Variants in LAMA2 observed in about 807,000 individuals in gnomAD.
LAMA2 encodes the protein laminin subunit alpha 2.
In LAMA2, 269 loss-of-function variants were observed where a neutral mutation model predicts 364.8. The observed-to-expected ratio is 0.74, with a 90% confidence interval of 0.67 to 0.82. The LOEUF (loss-of-function observed/expected upper bound fraction) is 0.82, where lower values mean the gene tolerates loss of function less well. Among genes scored for constraint, LAMA2 ranks in the 40% least tolerant of loss-of-function variants. The pLI is 0.00. For synonymous variants in LAMA2, 1,379 were observed against 1,370.6 expected (o/e 1.01, Z -0.14); for missense variants, 3,807 against 3,873.2 (o/e 0.98, Z 0.45).
At chr6:129,412,699 G>T (rs1780595584) in intron 40 of LAMA2, among the ~76,000 whole-genome samples, 1 of 152,180 alleles carries the variant, frequency 6.6e-6, no homozygotes, top group South Asian at 2.1e-4. Flanking sequence ...TCAAGTTTAT[G>T]TCTCACATCA....
At chr6:129,060,845 C>CA (rs1302741561) in intron 3 of LAMA2, among the ~76,000 whole-genome samples, 1 of 152,146 alleles carries the variant, frequency 6.6e-6, no homozygotes, top group South Asian at 2.1e-4. Context: ...CTGGCTGGAG[C>CA]AAACAAGCTG....
At chr6:129,437,322 T>G (rs1165684686) in intron 41 of LAMA2, among the ~76,000 whole-genome samples, 2 of 152,130 alleles carry the variant, frequency 1.3e-5, no homozygotes, top group Non-Finnish European at 2.9e-5. Context: ...ATATACATCA[T>G]ACATCAATGT....
chr6:129,504,079 G>A (rs747017310), intron 60 of LAMA2, among the ~76,000 whole-genome samples: 12 of 152,188 alleles, frequency 7.9e-5, no homozygotes, highest in Non-Finnish European at 1.2e-4. Flanking sequence ...TTCAGAGTAC[G>A]ATATTATTAG....
intron 9 of LAMA2, among the ~76,000 whole-genome samples, chr6:129,170,023 T>A (rs1253020784): frequency 5.9e-5 from 9 of 151,738 alleles, no homozygotes; most frequent in African/African-American, 2.2e-4. Context: ...CTTTATCATT[T>A]TTTATTGCAT....
At chr6:129,364,099 A>G (rs1040043831) in intron 32 of LAMA2, among the ~76,000 whole-genome samples, 2 of 152,140 alleles carry the variant, frequency 1.3e-5, no homozygotes, top group Non-Finnish European at 2.9e-5. Flanking sequence ...GACGCTCTAC[A>G]GTTGTCACCT....
chr6:129,315,388 T>C, intron 24 of LAMA2, 88 bp from the exon 25 acceptor site: 1 of 1,144,960 alleles, frequency 8.7e-7, no homozygotes, highest in Non-Finnish European at 1.3e-6. Context: ...GTATAGGAAC[T>C]GCAGATAGAC....
intron 1 of LAMA2, among the ~76,000 whole-genome samples, chr6:128,932,761 C>T (rs1052403130): frequency 2.6e-5 from 4 of 152,112 alleles, no homozygotes; most frequent in African/African-American, 9.7e-5. Flanking sequence ...TATACATATA[C>T]ATTGTGAAAT....
intron 22 of LAMA2, among the ~76,000 whole-genome samples, chr6:129,303,762 T>C (rs1007589440): frequency 6.6e-6 from 1 of 152,210 alleles, no homozygotes; most frequent in African/African-American, 2.4e-5. Context: ...AGATTAATCC[T>C]GCTTGGCCAT....
At chr6:129,484,753 A>G (rs188212575) in intron 55 of LAMA2, among the ~76,000 whole-genome samples, 1 of 152,214 alleles carries the variant, frequency 6.6e-6, no homozygotes, top group Non-Finnish European at 1.5e-5. Flanking sequence ...ATATTTTTTA[A>G]AAGTAAGGTA....
intron 12 of LAMA2, among the ~76,000 whole-genome samples, chr6:129,249,843 A>G (rs1786044127): frequency 6.6e-6 from 1 of 152,170 alleles, no homozygotes; most frequent in Non-Finnish European, 1.5e-5. Flanking sequence ...GTTTGGCTTC[A>G]TGGAACTTAA....
intron 12 of LAMA2, among the ~76,000 whole-genome samples, chr6:129,197,378 A>G (rs1781913968): frequency 6.6e-6 from 1 of 151,672 alleles, no homozygotes; most frequent in Admixed American, 6.6e-5. Context: ...TCCACAACCC[A>G]CTCTCTTAAC....
chr6:129,396,208 G>T (rs1454518987), intron 37 of LAMA2, among the ~76,000 whole-genome samples: 1 of 152,160 alleles, frequency 6.6e-6, no homozygotes, highest in Non-Finnish European at 1.5e-5. Context: ...CCATATCAAG[G>T]TACTGTTGGT....
At chr6:128,887,287 T>C (rs2114371639) in intron 1 of LAMA2, among the ~76,000 whole-genome samples, 1 of 152,252 alleles carries the variant, frequency 6.6e-6, no homozygotes, top group East Asian at 1.9e-4. Flanking sequence ...TTTTTAAATA[T>C]TTTTCTTTGC....
At chr6:129,118,882 G>GT (rs1776632823) in intron 4 of LAMA2, among the ~76,000 whole-genome samples, 1 of 152,212 alleles carries the variant, frequency 6.6e-6, no homozygotes, top group South Asian at 2.1e-4. Flanking sequence ...TCCATGATGT[G>GT]TAAGAGTGAG....
At chr6:129,403,781 T>C (rs765644498) in intron 39 of LAMA2, 40 bp from the exon 40 acceptor site, 3 of 1,592,130 alleles carry the variant, frequency 1.9e-6, no homozygotes, top group Non-Finnish European at 2.6e-6. Flanking sequence ...TTGAGTACCA[T>C]TGAGTGCCCT....
At position 129,098,310 on chromosome 6, in the gene LAMA2, G is replaced by A. The variant is rs1204660280; in HGVS notation, c.534G>A (p.Thr178=). The A allele has an allele frequency of 5.6e-6, 9 of 1,613,878 alleles. No individual in the cohort carries two copies. The highest frequency in any genetic ancestry group is 4.5e-5 in the East Asian group (2 of 44,886). ...YHAVTDTECL[T]LYNIYPRTGP... The stretch of plus-strand genomic sequence containing the variant: ...CTGTGACAGACACGGAGTGCCTAAC[G>A]CTTTACAATATTTATCCCCGCACTG... The change falls in exon 4 of 65, where the codon ACG becomes ACA. Residue 178 remains threonine (T), a synonymous_variant. Coordinates refer to ENST00000421865, the MANE Select transcript of LAMA2 (RefSeq NM_000426.4).
At chr6:129,021,285 T>C (rs527932421) in intron 1 of LAMA2, among the ~76,000 whole-genome samples, 23 of 152,344 alleles carry the variant, frequency 1.5e-4, no homozygotes, top group African/African-American at 5.3e-4. Flanking sequence ...TTCCAAAATA[T>C]TTCATTTGAA....
intron 9 of LAMA2, among the ~76,000 whole-genome samples, chr6:129,177,040 T>C (rs988080019): frequency 2.6e-5 from 4 of 152,196 alleles, no homozygotes; most frequent in Non-Finnish European, 5.9e-5. Context: ...TTTGAAGGTC[T>C]GTTAGTTGTA....
intron 28 of LAMA2, among the ~76,000 whole-genome samples, chr6:129,324,297 A>G (rs180805056): frequency 1.2e-3 from 179 of 152,332 alleles, no homozygotes; most frequent in Admixed American, 2.0e-3. Context: ...TAATCCTCAG[A>G]TCCACCCTAT....
Sources: allele counts gnomAD v4.1 joint callset (sites outside exome capture counted in the v4.1 genomes callset), GRCh38; gene constraint gnomAD v4.1.1; transcripts MANE v1.5; gene names NCBI Gene and HGNC (gene_info 2026-07-23, HGNC 2026-07-21).